SEMA3A: variants seen among roughly 807,000 people sequenced by gnomAD.
SEMA3A encodes semaphorin-3A.
A neutral mutation model predicts 97.9 loss-of-function variants in SEMA3A; 29 were observed. The observed-to-expected ratio is 0.30, with a 90% CI of 0.22 to 0.40. SEMA3A has a LOEUF of 0.40. SEMA3A is among the 10% of genes least tolerant of loss of function. The probability of loss-of-function intolerance (pLI) is 1.00; values close to 1 mark genes in which losing one functional copy is unlikely to be tolerated. For missense variants in SEMA3A, 763 were observed against 951.3 expected (o/e 0.80, Z 2.60); for synonymous variants, 321 against 323.7 (o/e 0.99, Z 0.09).
At chr7:84,414,416 T>C (rs1443926060) in intron 1 of SEMA3A, among the ~76,000 whole-genome samples, 3 of 150,222 alleles carry the variant, frequency 2.0e-5, no homozygotes, top group African/African-American at 2.4e-5. Context: ...AAAAACAGTA[T>C]TGTTATGTAG....
At chr7:84,080,442 C>A (rs1405443579) in intron 4 of SEMA3A, among the ~76,000 whole-genome samples, 1 of 151,896 alleles carries the variant, frequency 6.6e-6, no homozygotes, top group Non-Finnish European at 1.5e-5. Flanking sequence ...GGACATTTAT[C>A]ATTCCAAATT....
At chr7:84,202,235 A>C (rs1385326080) in intron 3 of SEMA3A, among the ~76,000 whole-genome samples, 1 of 152,180 alleles carries the variant, frequency 6.6e-6, no homozygotes, top group Non-Finnish European at 1.5e-5. Context: ...TGTTCTCACC[A>C]CAAAAGTGAT....
chr7:84,223,971 C>T, intron 3 of SEMA3A, among the ~76,000 whole-genome samples: 1 of 151,750 alleles, frequency 6.6e-6, no homozygotes, highest in East Asian at 1.9e-4. Context: ...AATAAAAGTG[C>T]ATGGCCAAGG....
In SEMA3A at chr7:84,134,878, C is replaced by G. The variant is rs1278743510; in HGVS notation, c.186G>C (p.Leu62Phe). 1 of 1,613,792 alleles carries G rather than the reference C, an allele frequency of 6.2e-7. No individual in the cohort carries two copies. Among genetic ancestry groups the G allele is most frequent in the Non-Finnish European group, 8.5e-7 (1 of 1,179,802 alleles). Reference protein sequence around the residue: ...ANSSSYHTFLLDEERSRLYVG... With the variant: ...ANSSSYHTFLFDEERSRLYVG... ...CATACAGCCTACTCCGTTCCTCATC[C>G]AAAAGGAAGGTATGATAACTGGAGC... The change falls in exon 2 of 17, where the codon TTG becomes TTC. Residue 62 changes from leucine to phenylalanine, a missense_variant. Leu to Phe is a conservative substitution (Grantham distance 22, BLOSUM62 0). Transcript: ENST00000265362.
intron 1 of SEMA3A, among the ~76,000 whole-genome samples, chr7:84,488,130 G>T (rs1584359196): frequency 6.6e-6 from 1 of 152,030 alleles, no homozygotes; most frequent in Non-Finnish European, 1.5e-5. Flanking sequence ...AAAAATAAAA[G>T]ATATAAGTTT....
chr7:84,284,402 G>T (rs566673279), intron 3 of SEMA3A, among the ~76,000 whole-genome samples: 1 of 152,180 alleles, frequency 6.6e-6, no homozygotes, highest in South Asian at 2.1e-4. Flanking sequence ...CTTCAAAGTT[G>T]ACTTTGAAAT....
chr7:84,051,735 T>G (rs1171352556), intron 5 of SEMA3A, among the ~76,000 whole-genome samples: 1 of 152,014 alleles, frequency 6.6e-6, no homozygotes, highest in African/African-American at 2.4e-5. Flanking sequence ...TGGCCAGAAC[T>G]TCCAACACTA....
chr7:84,069,788 G>C (rs752690409), intron 4 of SEMA3A, among the ~76,000 whole-genome samples: 13 of 152,046 alleles, frequency 8.6e-5, no homozygotes, highest in Non-Finnish European at 1.9e-4. Flanking sequence ...TAATATATCT[G>C]ATAAATTTAA....
At chr7:84,117,842 G>C (rs1351726902) in intron 3 of SEMA3A, among the ~76,000 whole-genome samples, 1 of 152,152 alleles carries the variant, frequency 6.6e-6, no homozygotes, top group Non-Finnish European at 1.5e-5. Context: ...AAGTTACTTA[G>C]AATCTCTGAG....
chr7:84,321,872 G>GAA (rs1156548285), intron 2 of SEMA3A, among the ~76,000 whole-genome samples: 13 of 12,044 alleles, frequency 1.1e-3, no homozygotes, highest in Non-Finnish European at 1.4e-3. Context: ...CGAGACTACG[G>GAA]AAAAAAAAAA....
In SEMA3A at chr7:84,301,794, C is replaced by T. The variant is rs575306894; in HGVS notation, c.-83+5413G>A. The stretch of plus-strand genomic sequence containing the variant: ...GGCTTAAGTACTATAGTTTGCAGAG[C>T]CCTGATGCGGAATGACAGGAACTCT... On this transcript the variant is annotated intron_variant, in intron 3 of 3. Coordinates refer to the SEMA3A transcript ENST00000424555. Among the ~76,000 whole-genome samples the T allele has an allele frequency of 5.1e-4, 78 of 152,244 alleles. No homozygotes were observed. In the South Asian group the frequency reaches 0.014, roughly 27 times the overall value.
Position 84,205,897 on chromosome 7 carries a change from T to C in SEMA3A, c.-82-11229A>G, listed in dbSNP as rs560418055. ...TTACTAAACTGAGTCTATCAGAAAG[T>C]GGTTCGAATGTCACTAATTATTTTA... On this transcript the variant is annotated intron_variant, in intron 3 of 3. Coordinates refer to the SEMA3A transcript ENST00000424555. 2.6e-5 allele frequency among the ~76,000 whole-genome samples: 4 copies of C among 152,364 alleles called. No homozygotes were observed. In the South Asian group the frequency reaches 8.3e-4, roughly 32 times the overall value.
intron 2 of SEMA3A, among the ~76,000 whole-genome samples, chr7:84,349,641 GAAT>G (rs2116018960): frequency 6.6e-6 from 1 of 152,184 alleles, no homozygotes; most frequent in African/African-American, 2.4e-5. Context: ...CAATATAAAA[GAAT>G]AATGTCCCCC....
chr7:84,083,194 G>A (rs1274282556), intron 4 of SEMA3A, among the ~76,000 whole-genome samples: 1 of 151,790 alleles, frequency 6.6e-6, no homozygotes, highest in Non-Finnish European at 1.5e-5. Flanking sequence ...TCTGTTATGA[G>A]ATGGTTTATT....
intron 3 of SEMA3A, chr7:84,306,434 C>T (rs1464188439): frequency 1.3e-5 from 2 of 152,004 alleles, no homozygotes. Context: ...TATTTAAATT[C>T]AGTGTTATTT....
chr7:84,425,093 T>C (rs1402638916), intron 1 of SEMA3A, among the ~76,000 whole-genome samples: 1 of 108,242 alleles, frequency 9.2e-6, no homozygotes, highest in Non-Finnish European at 1.7e-5. Flanking sequence ...TTTATATTTT[T>C]ATATAAATAT....
rs1329021135 is a variant in SEMA3A at position 84,383,299 on chromosome 7, TCTGA to T, written c.-245-11403_-245-11400del. Among the ~76,000 whole-genome samples, 8 of 152,234 alleles carry T rather than the reference TCTGA, an allele frequency of 5.3e-5. No homozygotes were observed. The East Asian group carries it at 1.5e-3, about 29-fold the overall frequency. On this transcript the variant is annotated intron_variant, in intron 1 of 3. Coordinates refer to the SEMA3A transcript ENST00000424555. Reference sequence around the variant, plus strand: ...AATTTGGATAAGTATAATGGAATATTCTGACTAATAACTAACTTTATCAGATAGA... The same window carrying T: ...AATTTGGATAAGTATAATGGAATATTCTAATAACTAACTTTATCAGATAGA...
chr7:84,153,431 G>C (rs1796740956), intron 1 of SEMA3A, among the ~76,000 whole-genome samples: 1 of 152,134 alleles, frequency 6.6e-6, no homozygotes. Context: ...CTGCAGCAGA[G>C]TTATTACTGA....
chr7:83,988,097 C>T (rs533554082), intron 12 of SEMA3A, among the ~76,000 whole-genome samples: 1 of 152,256 alleles, frequency 6.6e-6, no homozygotes, highest in African/African-American at 2.4e-5. Flanking sequence ...TCCTTAATGA[C>T]GTTTATCACA....
Sources: allele counts gnomAD v4.1 joint callset (sites outside exome capture counted in the v4.1 genomes callset), GRCh38; gene constraint gnomAD v4.1.1; transcripts MANE v1.5; gene names NCBI Gene and HGNC (gene_info 2026-07-23, HGNC 2026-07-21).